The following PRSS23 variants were observed in gnomAD, a reference collection of about 807,000 sequenced individuals.
PRSS23 encodes the protein serine protease 23.
In PRSS23, 25 loss-of-function variants were observed where a neutral mutation model predicts 34.7. The ratio of observed to expected loss-of-function variants is 0.72; its 90% CI spans 0.53 to 1.01. PRSS23 has a LOEUF of 1.01. Among genes scored for constraint, PRSS23 ranks in the 50% least tolerant of loss-of-function variants. The pLI is 0.00. For synonymous variants in PRSS23, 176 were observed against 186.6 expected, an observed-to-expected ratio of 0.94 and a Z score of 0.46; for missense variants, 445 against 475.6, an observed-to-expected ratio of 0.94 and a Z score of 0.60.
rs555835092 is a variant in PRSS23, at chr11:86,823,961, G to A, written c.206+368G>A. On this transcript the variant is annotated intron_variant, in intron 2 of 2. Transcript: ENST00000533902. The stretch of plus-strand genomic sequence containing the variant: ...GTGGAGCTTGCAGTGAGCCGAGATC[G>A]CGCCACTGCAGTCCGGCCTGGGCGA... 1.3e-3 allele frequency among the ~76,000 whole-genome samples: 162 copies of A among 120,580 alleles called. No homozygotes were observed. The Admixed American group carries it at 0.014, about 10-fold the overall frequency. 79.1% of individuals were successfully genotyped at this position (120,580 alleles called of 152,430 possible).
At chr11:86,939,046 A>G (rs1300113048) in intron 2 of PRSS23, 3 of 451,216 alleles carry the variant, frequency 6.6e-6, no homozygotes, top group Admixed American at 2.4e-5. Flanking sequence ...TCCATTCTTA[A>G]AATTGAGCCA....
At chr11:86,821,283 C>T (rs1948249611) in intron 1 of PRSS23, 1 of 539,914 alleles carries the variant, frequency 1.9e-6, no homozygotes, top group African/African-American at 2.0e-5. Flanking sequence ...GTTTCCTTTT[C>T]ATATTCATCA....
intron 2 of PRSS23, among the ~76,000 whole-genome samples, chr11:86,840,792 C>A (rs1948441638): frequency 6.6e-6 from 1 of 152,140 alleles, no homozygotes; most frequent in African/African-American, 2.4e-5. Context: ...AAGTACAATT[C>A]AGGATTAAGA....
chr11:86,857,127 C>A, intron 2 of PRSS23: 1 of 316,352 alleles, frequency 3.2e-6, no homozygotes, highest in South Asian at 3.9e-5. Context: ...CCCTGTTTCT[C>A]AGGCTGTAGA....
At chr11:86,924,920 T>A (rs2212763) in intron 2 of PRSS23, 91,073 of 151,948 alleles carry the variant, frequency 0.6, 27,609 homozygotes, top group Non-Finnish European at 0.65. Context: ...AACATCCTGA[T>A]TGCTGAGACT....
intron 2 of PRSS23, chr11:86,934,634 A>G (rs1949149219): frequency 6.6e-6 from 1 of 152,218 alleles, no homozygotes; most frequent in Non-Finnish European, 1.5e-5. Context: ...CAGGCTAATG[A>G]AAGAAGACTC....
intron 1 of PRSS23, among the ~76,000 whole-genome samples, chr11:86,805,817 C>G (rs1948094527): frequency 6.6e-6 from 1 of 152,210 alleles, no homozygotes. Context: ...GAGCAAAAGG[C>G]ACCCAAAGTT....
chr11:86,818,859 G>A (rs927375915), intron 1 of PRSS23, among the ~76,000 whole-genome samples: 4 of 152,160 alleles, frequency 2.6e-5, no homozygotes, highest in African/African-American at 7.2e-5. Context: ...ATCAATACAT[G>A]CCATTAATGA....
chr11:86,911,021 TAA>T (rs1431785178), intron 2 of PRSS23: 1 of 152,106 alleles, frequency 6.6e-6, no homozygotes, highest in African/African-American at 2.4e-5. Context: ...GTAAAAATAA[TAA>T]GTTATTTTTA....
intron 2 of PRSS23, among the ~76,000 whole-genome samples, chr11:86,870,140 T>TC (rs1948675144): frequency 1.3e-5 from 2 of 152,106 alleles, no homozygotes; most frequent in South Asian, 4.1e-4. Flanking sequence ...ATGATATGGC[T>TC]CCATCTGACC....
intron 2 of PRSS23, among the ~76,000 whole-genome samples, chr11:86,866,309 C>T (rs4293146): frequency 0.13 from 19,080 of 151,986 alleles, 1,404 homozygotes; most frequent in East Asian, 0.19. Context: ...GTGATACAAC[C>T]GTAATGCTCT....
chr11:86,862,022 G>A (rs1948619272), intron 2 of PRSS23, among the ~76,000 whole-genome samples: 1 of 151,722 alleles, frequency 6.6e-6, no homozygotes, highest in Non-Finnish European at 1.5e-5. Flanking sequence ...CATATCACAT[G>A]GGGTGTACAC....
chr11:86,819,087 TA>T (rs1948235069), intron 1 of PRSS23, among the ~76,000 whole-genome samples: 1 of 152,196 alleles, frequency 6.6e-6, no homozygotes, highest in African/African-American at 2.4e-5. Flanking sequence ...CTCACCCATA[TA>T]ACAAGTCAGC....
At chr11:86,942,529 A>G (rs1323045444) in intron 2 of PRSS23, among the ~76,000 whole-genome samples, 1 of 152,242 alleles carries the variant, frequency 6.6e-6, no homozygotes. Flanking sequence ...GAGATTAAGC[A>G]CGTTCTTGAG....
intron 2 of PRSS23, chr11:86,934,078 T>A (rs1590934378): frequency 6.6e-6 from 1 of 152,204 alleles, no homozygotes; most frequent in East Asian, 1.9e-4. Context: ...TCAAATTACT[T>A]TCATATGTCC....
At chr11:86,798,261 T>C (rs545101785), upstream of PRSS23, among the ~76,000 whole-genome samples, 7 of 152,364 alleles carry the variant, frequency 4.6e-5, no homozygotes, top group African/African-American at 1.7e-4. Flanking sequence ...ATCATTGGGA[T>C]GACCATCTCA....
intron 2 of PRSS23, among the ~76,000 whole-genome samples, chr11:86,833,850 G>A (rs1341416280): frequency 2.6e-5 from 4 of 152,100 alleles, no homozygotes; most frequent in African/African-American, 9.7e-5. Flanking sequence ...TGTTGGGGAG[G>A]TTGGCCGACT....
intron 2 of PRSS23, chr11:86,950,864 C>T (rs1449175391): frequency 2.0e-6 from 1 of 502,458 alleles, no homozygotes; most frequent in Non-Finnish European, 3.6e-6. Flanking sequence ...CTCCACGCTC[C>T]AAGCTGCAAC....
chr11:86,812,244 G>A (rs1444985903), downstream of PRSS23, among the ~76,000 whole-genome samples: 2 of 152,166 alleles, frequency 1.3e-5, no homozygotes, highest in East Asian at 1.9e-4. Context: ...TAGGAACAAA[G>A]GTGGGGCTGC....
Sources: gnomAD v4.1 joint callset for allele counts (sites outside exome capture counted in the v4.1 genomes callset) on GRCh38, gnomAD v4.1.1 for gene constraint, MANE v1.5 for transcripts, NCBI Gene and HGNC (gene_info 2026-07-23, HGNC 2026-07-21) for gene names.